Variants in DLG2 observed in about 807,000 individuals in gnomAD.
DLG2 encodes discs large MAGUK scaffold protein 2, also known as disks large homolog 2.
A neutral mutation model predicts 132.5 loss-of-function variants in DLG2; 45 were observed. The ratio of observed to expected loss-of-function variants is 0.34; its 90% CI spans 0.27 to 0.44. The LOEUF (loss-of-function observed/expected upper bound fraction) is 0.44. Ranked by LOEUF, DLG2 falls within the 20% of genes least tolerant of loss-of-function variation. DLG2 has a pLI of 1.00. For missense variants in DLG2, 1,045 were observed against 1,196.9 expected (o/e 0.87, Z 1.87); for synonymous variants, 424 against 419.6 (o/e 1.01, Z -0.13).
At position 83,703,790 on chromosome 11, in the gene DLG2, C is replaced by T. The variant is rs75616007; in HGVS notation, c.1826-70465G>A. ...ACCCATAACAAGCTAACCTAATACT[C>T]ATCATGACTGTTATTTACAGTAGTG... On this transcript the variant is annotated intron_variant, in intron 18 of 27. Coordinates refer to ENST00000376104, the MANE Select transcript of DLG2 (RefSeq NM_001142699.3). 3.7e-4 allele frequency among the ~76,000 whole-genome samples: 57 copies of T among 152,300 alleles called. 3 individuals are homozygous for T. The East Asian group carries it at 0.011, about 29-fold the overall frequency.
intron 7 of DLG2, among the ~76,000 whole-genome samples, chr11:84,487,759 G>T (rs1261428978): frequency 6.6e-6 from 1 of 152,066 alleles, no homozygotes; most frequent in African/African-American, 2.4e-5. Context: ...AAAGGACACA[G>T]CTGGGAAAAA....
chr11:83,567,433 A>G (rs2096727005), intron 19 of DLG2, among the ~76,000 whole-genome samples: 1 of 152,168 alleles, frequency 6.6e-6, no homozygotes, highest in Non-Finnish European at 1.5e-5. Flanking sequence ...ACTCATGGGA[A>G]GATGTTGGCC....
At chr11:85,583,122 G>GTATATA (rs1355453267) in intron 3 of DLG2, among the ~76,000 whole-genome samples, 40 of 49,124 alleles carry the variant, frequency 8.1e-4, no homozygotes, top group Non-Finnish European at 1.1e-3. Flanking sequence ...GTGTGTGTGT[G>GTATATA]TGTGTGTGTA....
chr11:84,545,751 C>CTTTTT (rs35596423), intron 6 of DLG2: 13 of 106,752 alleles, frequency 1.2e-4, no homozygotes, highest in South Asian at 2.7e-4. Flanking sequence ...AGGTGATGTT[C>CTTTTT]TTTTTTTTTT....
At chr11:84,496,429 T>C (rs185093798) in intron 7 of DLG2, among the ~76,000 whole-genome samples, 175 of 152,258 alleles carry the variant, frequency 1.1e-3, no homozygotes, top group Middle Eastern at 3.4e-3. Flanking sequence ...GCTACATGAA[T>C]GGACTACAGA....
chr11:84,416,681 T>C (rs1290812654), intron 7 of DLG2, among the ~76,000 whole-genome samples: 3 of 152,228 alleles, frequency 2.0e-5, no homozygotes. Flanking sequence ...AGCTTGAGTT[T>C]CCATATACAT....
intron 3 of DLG2, among the ~76,000 whole-genome samples, chr11:85,410,460 A>C (rs1038915303): frequency 6.6e-6 from 1 of 151,790 alleles, no homozygotes; most frequent in Non-Finnish European, 1.5e-5. Flanking sequence ...TTCATCTGTT[A>C]GGAAATTGTC....
intron 11 of DLG2, among the ~76,000 whole-genome samples, chr11:83,994,274 T>C (rs944397942): frequency 6.6e-6 from 1 of 152,218 alleles, no homozygotes; most frequent in Non-Finnish European, 1.5e-5. Context: ...TGCACAAATA[T>C]GTTGTAGGAA....
intron 11 of DLG2, among the ~76,000 whole-genome samples, chr11:84,030,492 C>T (rs1439668047): frequency 6.6e-6 from 1 of 152,042 alleles, no homozygotes; most frequent in East Asian, 1.9e-4. Flanking sequence ...CAACACATAC[C>T]TTTATGGAAG....
intron 11 of DLG2, among the ~76,000 whole-genome samples, chr11:84,025,098 CTGTT>C (rs1306330905): frequency 1.2e-4 from 18 of 152,104 alleles, no homozygotes. Flanking sequence ...TTCAGTGTAT[CTGTT>C]TGTCATTCAC....
Position 84,708,138 on chromosome 11 carries a change from A to G in DLG2, c.358-173407T>C, listed in dbSNP as rs369018738. On this transcript the variant is annotated intron_variant, in intron 6 of 27. Coordinates refer to ENST00000376104, the MANE Select transcript of DLG2 (RefSeq NM_001142699.3). ...ATCATCTGAAAAATATTATGGAGAA[A>G]TGGTCTTCAGCCTGATGTTTGAACC... 2.6e-4 allele frequency among the ~76,000 whole-genome samples: 39 copies of G among 151,868 alleles called. 1 individual carries two copies. The East Asian group carries it at 4.5e-3, about 17-fold the overall frequency.
chr11:84,779,218 A>G (rs2153904608), intron 6 of DLG2, among the ~76,000 whole-genome samples: 1 of 152,184 alleles, frequency 6.6e-6, no homozygotes, highest in South Asian at 2.1e-4. Flanking sequence ...ACACACATAT[A>G]TATGTATATA....
At chr11:84,489,088 T>C (rs1327721565) in intron 7 of DLG2, among the ~76,000 whole-genome samples, 1 of 152,132 alleles carries the variant, frequency 6.6e-6, no homozygotes, top group Non-Finnish European at 1.5e-5. Context: ...CTCAAATTAG[T>C]TGTTCTGTCT....
chr11:85,331,340 C>A (rs2081729016), intron 3 of DLG2, among the ~76,000 whole-genome samples: 1 of 152,162 alleles, frequency 6.6e-6, no homozygotes, highest in Non-Finnish European at 1.5e-5. Context: ...TATACAAATG[C>A]ATATTCACTT....
intron 19 of DLG2, among the ~76,000 whole-genome samples, chr11:83,564,832 A>G (rs1334003171): frequency 1.4e-5 from 2 of 146,610 alleles, no homozygotes; most frequent in East Asian, 2.0e-4. Flanking sequence ...ATCAGCCACA[A>G]ACAAACATAA....
intron 5 of DLG2, among the ~76,000 whole-genome samples, chr11:85,124,962 C>G (rs761523690): frequency 2.6e-5 from 4 of 152,070 alleles, no homozygotes; most frequent in Non-Finnish European, 2.9e-5. Context: ...TCCCAAGTAG[C>G]TGGGACTACA....
intron 6 of DLG2, among the ~76,000 whole-genome samples, chr11:84,715,578 T>A (rs2061128358): frequency 6.6e-6 from 1 of 152,122 alleles, no homozygotes. Flanking sequence ...AGTTTGTATG[T>A]GTTCTACTTT....
intron 18 of DLG2, among the ~76,000 whole-genome samples, chr11:83,694,545 A>G (rs1250984350): frequency 2.6e-5 from 4 of 152,154 alleles, no homozygotes; most frequent in Admixed American, 6.5e-5. Flanking sequence ...CCCCCAGCAC[A>G]AAGTCATAAA....
chr11:85,092,569 G>A (rs1177578661), intron 6 of DLG2, among the ~76,000 whole-genome samples: 1 of 151,572 alleles, frequency 6.6e-6, no homozygotes, highest in Non-Finnish European at 1.5e-5. Flanking sequence ...GAACACTTAG[G>A]GATACTAAAG....
Sources: allele counts gnomAD v4.1 joint callset (sites outside exome capture counted in the v4.1 genomes callset), GRCh38; gene constraint gnomAD v4.1.1; transcripts MANE v1.5; gene names NCBI Gene and HGNC (gene_info 2026-07-23, HGNC 2026-07-21).